RAN: variants seen among roughly 807,000 people sequenced by gnomAD.
RAN encodes the protein RAN, member RAS oncogene family.
RAN carries 2 observed loss-of-function variants against 26.8 expected under a neutral mutation model. The observed-to-expected ratio is 0.07, with a 90% confidence interval of 0.03 to 0.23. The LOEUF (loss-of-function observed/expected upper bound fraction) is 0.23. Ranked by LOEUF, RAN falls within the 10% of genes least tolerant of loss-of-function variation. The pLI is 1.00. For synonymous variants in RAN, 132 were observed against 95.9 expected, an observed-to-expected ratio of 1.38 and a Z score of -2.20; for missense variants, 56 against 264.8, an observed-to-expected ratio of 0.21 and a Z score of 5.47.
At position 130,876,915 on chromosome 12, in the gene RAN, T is replaced by G. The variant is rs1381087753; in HGVS notation, c.*989T>G. On this transcript the variant is annotated 3_prime_UTR_variant, in exon 7 of 7. Transcript: ENST00000543796. ...CTTCAGCAGTTCACACTACACCGTT[T>G]TTTTGTTTTTTTTTCCCCCCCGGGA... The G allele has an allele frequency of 1.3e-5, 2 of 152,148 alleles. No individual in the cohort carries two copies. The highest frequency in any genetic ancestry group is 2.9e-5 in the Non-Finnish European group (2 of 68,034). 9.4% of individuals were successfully genotyped at this position (152,148 alleles called of 1,614,324 possible). A position where few individuals can be genotyped will look rare whatever the true frequency, so the allele number is the denominator to read the frequency against.
In RAN at chr12:130,876,698, C is replaced by A. The variant is rs1953250546; in HGVS notation, c.*772C>A. The A allele has an allele frequency of 6.6e-6, 1 of 152,202 alleles. No individual in the cohort carries two copies. Among genetic ancestry groups the A allele is most frequent in the Admixed American group, 6.6e-5 (1 of 15,266 alleles). The allele number at this position is 152,202 out of a possible 1,614,324, so 9.4% of individuals were successfully genotyped here. On this transcript the variant is annotated 3_prime_UTR_variant, in exon 7 of 7. Coordinates refer to ENST00000543796, the MANE Select transcript of RAN (RefSeq NM_006325.5). ...GTAATCATGTTTTAATGTAGAACCT[C>A]AAACAGGATGGAACATCAGTGGATG...
In RAN at chr12:130,872,959, A is replaced by G. The variant is rs548626284; in HGVS notation, c.121+39A>G. Reference sequence around the variant, plus strand: ...AACCTTGCTTGTGGAAATATGTGAGAAATGGGTAAGTTCATCCACTCAATC... The same window carrying G: ...AACCTTGCTTGTGGAAATATGTGAGGAATGGGTAAGTTCATCCACTCAATC... On this transcript the variant is annotated intron_variant, in intron 3 of 6. Transcript: ENST00000543796. 2.5e-6 allele frequency: 4 copies of G among 1,614,192 alleles called. No homozygotes were observed. The African/African-American group carries it at 5.3e-5, about 22-fold the overall frequency.
chr12:130,873,995 G>T (rs376430205), intron 4 of RAN: 14 of 385,346 alleles, frequency 3.6e-5, no homozygotes, highest in South Asian at 2.6e-4. Context: ...CTATAGGCAC[G>T]TGCCACTATG....
rs541087261 is a variant in RAN at position 130,872,841 on chromosome 12, A to G, written c.42A>G (p.Val14=). Residue 14 remains valine (V), a synonymous_variant, in exon 3 of 7, where the codon GTA becomes GTG. Transcript: ENST00000543796. Reference sequence around the variant, plus strand: ...CAAAATGTGTTTTTCAACAGCTTGTATTGGTTGGTGATGGTGGTACTGGAA... The same window carrying G: ...CAAAATGTGTTTTTCAACAGCTTGTGTTGGTTGGTGATGGTGGTACTGGAA... The part of the protein sequence containing the change: ...QGEPQVQFKL[V]LVGDGGTGKT... 5.6e-6 allele frequency: 9 copies of G among 1,614,186 alleles called. No individual in the cohort carries two copies. The highest frequency in any genetic ancestry group is 4.4e-5 in the South Asian group (4 of 91,086).
chr12:130,872,703 A>ACGATGGCTGTAATGGGGCCC lies in RAN; in HGVS notation c.36+77_36+96dup, dbSNP rs1953161744. 1.5e-5 allele frequency: 23 copies of ACGATGGCTGTAATGGGGCCC among 1,547,116 alleles called. No homozygotes were observed. The East Asian group carries it at 5.3e-4, about 36-fold the overall frequency. ...CTCGCGGGTCCCTCCTCCTGGGGCC[A>ACGATGGCTGTAATGGGGCCC]CGATGGCTGTAATGGGGCCCCGCAT... On this transcript the variant is annotated intron_variant, in intron 2 of 6. Transcript: ENST00000543796.
chr12:130,873,864 GTTAT>G (rs760253134), intron 4 of RAN: 3 of 178,456 alleles, frequency 1.7e-5, no homozygotes, highest in Non-Finnish European at 2.4e-5. Context: ...CTTTATCTGG[GTTAT>G]TTATTTATTT....
intron 4 of RAN, chr12:130,874,064 G>A (rs759979261): frequency 5.5e-6 from 2 of 360,574 alleles, no homozygotes; most frequent in South Asian, 4.0e-5. Flanking sequence ...GCCCATGCTG[G>A]TCTGGAACTC....
chr12:130,877,016 G>A lies in RAN; in HGVS notation c.*1090G>A, dbSNP rs1018273891. 2.6e-5 allele frequency: 4 copies of A among 151,972 alleles called. No individual in the cohort carries two copies. The highest frequency in any genetic ancestry group is 5.9e-5 in the Non-Finnish European group (4 of 68,014). 9.4% of individuals were successfully genotyped at this position (151,972 alleles called of 1,614,324 possible). A position where few individuals can be genotyped will look rare whatever the true frequency, so the allele number is the denominator to read the frequency against. ...GGAATATGCACAGTGGGGCAGTGTG[G>A]GGGCTTCTCAGTAATGGAGAACAGT... On this transcript the variant is annotated 3_prime_UTR_variant, in exon 7 of 7. Coordinates refer to ENST00000543796, the MANE Select transcript of RAN (RefSeq NM_006325.5).
At chr12:130,873,261 G>C (rs983197430) in intron 4 of RAN, 133 bp downstream of exon 4, 33 of 1,241,222 alleles carry the variant, frequency 2.7e-5, no homozygotes, top group Non-Finnish European at 3.5e-5. Context: ...GGACTTCGGG[G>C]AGTTGACCAC....
Position 130,872,084 on chromosome 12 carries a change from C to T in RAN, c.-53C>T, listed in dbSNP as rs1238764779. The T allele has an allele frequency of 9.2e-6, 3 of 327,140 alleles. No homozygotes were observed. Among genetic ancestry groups the T allele is most frequent in the African/African-American group, 4.5e-5 (2 of 44,390 alleles). 20.3% of individuals were successfully genotyped at this position (327,140 alleles called of 1,614,324 possible). A position where few individuals can be genotyped will look rare whatever the true frequency, so the allele number is the denominator to read the frequency against. On this transcript the variant is annotated 5_prime_UTR_variant, in exon 1 of 7. Coordinates refer to ENST00000543796, the MANE Select transcript of RAN (RefSeq NM_006325.5). The stretch of plus-strand genomic sequence containing the variant: ...GGCGTTTGAATTGCGCTTCCGCCAT[C>T]TTTCCAGCCTCAGTCGGACGGGCGC...
intron 5 of RAN, 111 bp from the exon 6 acceptor site, chr12:130,875,501 G>A: frequency 9.9e-7 from 1 of 1,009,266 alleles, no homozygotes; most frequent in Middle Eastern, 3.3e-4. Flanking sequence ...ACAGGCATGA[G>A]CCACCATGCC....
Position 130,877,089 on chromosome 12 carries a change from A to G in RAN, c.*1163A>G, listed in dbSNP as rs937451756. 2.6e-5 allele frequency: 4 copies of G among 151,660 alleles called. No individual in the cohort carries two copies. The highest frequency in any genetic ancestry group is 6.6e-5 in the Admixed American group (1 of 15,170). The allele number at this position is 151,660 out of a possible 1,614,324, so 9.4% of individuals were successfully genotyped here. ...TAACTAAGCATTTAATTTATCTTGC[A>G]TATTTTCCACATTTAAAAATGAATT... On this transcript the variant is annotated 3_prime_UTR_variant, in exon 7 of 7. Transcript: ENST00000543796.
In RAN at chr12:130,877,115, A is replaced by G. The variant is rs565850819; in HGVS notation, c.*1189A>G. 6.6e-6 allele frequency: 1 copy of G among 151,984 alleles called. No individual in the cohort carries two copies. The highest frequency in any genetic ancestry group is 1.9e-4 in the East Asian group (1 of 5,166). The allele number at this position is 151,984 out of a possible 1,614,324, so 9.4% of individuals were successfully genotyped here. ...TATTTTCCACATTTAAAAATGAATT[A>G]GGTCTATTAGGATAATTAGGAGTTT... On this transcript the variant is annotated 3_prime_UTR_variant, in exon 7 of 7. Coordinates refer to ENST00000543796, the MANE Select transcript of RAN (RefSeq NM_006325.5).
At chr12:130,872,319 A>C (rs1460624691) in intron 1 of RAN, 193 bp downstream of exon 1, 1 of 154,108 alleles carries the variant, frequency 6.5e-6, no homozygotes, top group African/African-American at 2.4e-5. Context: ...AGCCCCCGCG[A>C]ACCCCCGTTT....
intron 4 of RAN, chr12:130,874,086 T>C: frequency 3.0e-6 from 1 of 333,968 alleles, no homozygotes; most frequent in Non-Finnish European, 6.3e-6. Flanking sequence ...TGAGCTCAGG[T>C]GATCCACCCA....
rs1953230929 is a variant in RAN at position 130,875,932 on chromosome 12, A to G, written c.*6A>G. 2 of 1,613,996 alleles carry G rather than the reference A, an allele frequency of 1.2e-6. No homozygotes were observed. Among genetic ancestry groups the G allele is most frequent in the Admixed American group, 3.3e-5 (2 of 60,012 alleles). Reference sequence around the variant, plus strand: ...ATGAGGATGATGACCTGTGAGAATGAAGCTGGAGCCCAGCGTCAGAAGTCT... The same window carrying G: ...ATGAGGATGATGACCTGTGAGAATGGAGCTGGAGCCCAGCGTCAGAAGTCT... On this transcript the variant is annotated 3_prime_UTR_variant, in exon 7 of 7. Transcript: ENST00000543796.
chr12:130,872,162 G>T, intron 1 of RAN, 36 bp downstream of exon 1: 1 of 187,136 alleles, frequency 5.3e-6, no homozygotes, highest in South Asian at 6.4e-5. Context: ...CGGCCGGGCG[G>T]GGACAGGGGT....
Position 130,872,080 on chromosome 12 carries a change from C to T in RAN, c.-57C>T. On this transcript the variant is annotated 5_prime_UTR_variant, in exon 1 of 7. Transcript: ENST00000543796. ...CTCCGGCGTTTGAATTGCGCTTCCG[C>T]CATCTTTCCAGCCTCAGTCGGACGG... 1 of 330,210 alleles carries T rather than the reference C, an allele frequency of 3.0e-6. No individual in the cohort carries two copies. The highest frequency in any genetic ancestry group is 6.4e-6 in the Non-Finnish European group (1 of 155,580). The allele number at this position is 330,210 out of a possible 1,614,324, so 20.5% of individuals were successfully genotyped here. A position where few individuals can be genotyped will look rare whatever the true frequency, so the allele number is the denominator to read the frequency against.
In RAN at chr12:130,875,870, C is replaced by G. The variant is rs1953229880; in HGVS notation, c.607-12C>G. 1 of 1,614,186 alleles carries G rather than the reference C, an allele frequency of 6.2e-7. No individual in the cohort carries two copies. Among genetic ancestry groups the G allele is most frequent in the Non-Finnish European group, 8.5e-7 (1 of 1,180,020 alleles). ...ATCTGGAGTGTTAACGTTTTTCCAT[C>G]TCTTCGTCTAGGTTGCTCAGACAAC... is the stretch of plus-strand genomic sequence containing the variant. On this transcript the variant is annotated splice_polypyrimidine_tract_variant and intron_variant, in intron 6 of 6. Coordinates refer to ENST00000543796, the MANE Select transcript of RAN (RefSeq NM_006325.5).
Sources: allele counts gnomAD v4.1 joint callset, GRCh38; gene constraint gnomAD v4.1.1; transcripts MANE v1.5; gene names NCBI Gene and HGNC (gene_info 2026-07-23, HGNC 2026-07-21).